The following SLC4A10 variants were observed in gnomAD, a reference collection of about 807,000 sequenced individuals.
SLC4A10 encodes sodium-driven chloride bicarbonate exchanger.
Under a neutral mutation model 137.7 loss-of-function variants are expected in SLC4A10, and 42 were observed. The ratio of observed to expected loss-of-function variants is 0.30; its 90% CI spans 0.24 to 0.39. The LOEUF is 0.39. SLC4A10 is among the 10% of genes least tolerant of loss of function. The pLI is 1.00. For synonymous variants in SLC4A10, 474 were observed against 464.1 expected, an observed-to-expected ratio of 1.02 and a Z score of -0.27; for missense variants, 925 against 1,355.0, an observed-to-expected ratio of 0.68 and a Z score of 4.98.
At chr2:161,921,199 G>T (rs1237907824) in intron 15 of SLC4A10, among the ~76,000 whole-genome samples, 1 of 152,200 alleles carries the variant, frequency 6.6e-6, no homozygotes, top group Non-Finnish European at 1.5e-5. Context: ...TGAGTTTATT[G>T]TATGTGGCAT....
At chr2:161,864,581 A>T (rs2060624876) in intron 6 of SLC4A10, among the ~76,000 whole-genome samples, 1 of 152,198 alleles carries the variant, frequency 6.6e-6, no homozygotes. Context: ...ATGACTGAAT[A>T]TAAGTCATTT....
chr2:161,821,182 T>A (rs1165379785), intron 3 of SLC4A10, among the ~76,000 whole-genome samples: 4 of 152,226 alleles, frequency 2.6e-5, no homozygotes, highest in Non-Finnish European at 5.9e-5. Context: ...TAGTTTTATG[T>A]GTTTTAAATA....
chr2:161,777,125 A>T (rs138963268), intron 2 of SLC4A10, among the ~76,000 whole-genome samples: 97 of 151,552 alleles, frequency 6.4e-4, no homozygotes, highest in African/African-American at 2.0e-3. Context: ...TTTTTAATTT[A>T]AAAAAGTTAA....
intron 1 of SLC4A10, among the ~76,000 whole-genome samples, chr2:161,698,635 C>T (rs974540221): frequency 6.6e-6 from 1 of 152,144 alleles, no homozygotes; most frequent in African/African-American, 2.4e-5. Context: ...ATTGAACCAG[C>T]CTTGCCTCCC....
At chr2:161,758,916 G>A (rs1274573020) in intron 1 of SLC4A10, among the ~76,000 whole-genome samples, 5 of 151,794 alleles carry the variant, frequency 3.3e-5, no homozygotes, top group African/African-American at 4.8e-5. Context: ...ACCAAAATAT[G>A]ACCCTTACTT....
chr2:161,874,277 A>C (rs2061331330), intron 8 of SLC4A10, among the ~76,000 whole-genome samples: 1 of 152,266 alleles, frequency 6.6e-6, no homozygotes, highest in Non-Finnish European at 1.5e-5. Context: ...CATTAACAAC[A>C]TAAAGAAGGC....
intron 16 of SLC4A10, among the ~76,000 whole-genome samples, chr2:161,945,193 T>TGC (rs1693539372): frequency 3.2e-5 from 1 of 31,648 alleles, no homozygotes; most frequent in African/African-American, 9.6e-5. Context: ...TATATATATA[T>TGC]ATATATATAT....
At chr2:161,770,070 C>T (rs2051387698) in intron 1 of SLC4A10, among the ~76,000 whole-genome samples, 1 of 151,852 alleles carries the variant, frequency 6.6e-6, no homozygotes, top group African/African-American at 2.4e-5. Flanking sequence ...CTGGAATAGA[C>T]AGGAATAGAT....
intron 1 of SLC4A10, among the ~76,000 whole-genome samples, chr2:161,723,377 A>G (rs990444569): frequency 9.2e-5 from 14 of 152,106 alleles, no homozygotes; most frequent in African/African-American, 3.4e-4. Flanking sequence ...CCAACTGCCT[A>G]GTCAGTCTCA....
At chr2:161,734,795 CT>C (rs2047167738) in intron 1 of SLC4A10, among the ~76,000 whole-genome samples, 1 of 151,762 alleles carries the variant, frequency 6.6e-6, no homozygotes, top group African/African-American at 2.4e-5. Flanking sequence ...TATTGTTTGG[CT>C]CTGTGCCTCC....
intron 1 of SLC4A10, among the ~76,000 whole-genome samples, chr2:161,652,456 TA>T (rs1313889143): frequency 6.6e-6 from 1 of 152,232 alleles, no homozygotes; most frequent in Admixed American, 6.5e-5. Context: ...TGAAGAATTT[TA>T]AAACTTCAGA....
chr2:161,908,522 C>A (rs962855729), intron 15 of SLC4A10, among the ~76,000 whole-genome samples: 1 of 149,290 alleles, frequency 6.7e-6, no homozygotes, highest in Admixed American at 6.7e-5. Context: ...ACCAACATGG[C>A]ACATGTATAC....
chr2:161,640,149 T>C (rs890413235), intron 1 of SLC4A10, among the ~76,000 whole-genome samples: 1 of 152,158 alleles, frequency 6.6e-6, no homozygotes, highest in Non-Finnish European at 1.5e-5. Context: ...CAAAGGTATT[T>C]ATTTTATTTT....
At chr2:161,672,148 G>A (rs1314624398) in intron 1 of SLC4A10, among the ~76,000 whole-genome samples, 3 of 152,152 alleles carry the variant, frequency 2.0e-5, no homozygotes, top group Non-Finnish European at 4.4e-5. Context: ...GTTCATTAAA[G>A]ACCTGGTGGC....
At chr2:161,801,259 T>C (rs1430997774) in intron 2 of SLC4A10, among the ~76,000 whole-genome samples, 1 of 152,018 alleles carries the variant, frequency 6.6e-6, no homozygotes, top group East Asian at 1.9e-4. Context: ...TGTTTCTTCT[T>C]TATTTGTATT....
intron 23 of SLC4A10, among the ~76,000 whole-genome samples, chr2:161,968,483 T>C (rs562475653): frequency 6.6e-6 from 1 of 152,188 alleles, no homozygotes; most frequent in Non-Finnish European, 1.5e-5. Context: ...GATACAAAAA[T>C]GGATTAAAGA....
chr2:161,737,362 A>T (rs181594514), intron 1 of SLC4A10, among the ~76,000 whole-genome samples: 2 of 152,172 alleles, frequency 1.3e-5, no homozygotes, highest in East Asian at 3.9e-4. Context: ...GTCTGGACTC[A>T]GCATAGATAG....
At chr2:161,668,106 A>G (rs955172999) in intron 1 of SLC4A10, among the ~76,000 whole-genome samples, 1 of 151,834 alleles carries the variant, frequency 6.6e-6, no homozygotes, top group African/African-American at 2.4e-5. Context: ...TAGTTGTCTA[A>G]TAAACAACTC....
chr2:161,924,905 A>T (rs1186994175), intron 15 of SLC4A10, among the ~76,000 whole-genome samples: 1 of 152,158 alleles, frequency 6.6e-6, no homozygotes, highest in East Asian at 1.9e-4. Context: ...TCAGGTTTCG[A>T]TGGGGTTATA....
Sources: allele counts gnomAD v4.1 joint callset (sites outside exome capture counted in the v4.1 genomes callset), GRCh38; gene constraint gnomAD v4.1.1; transcripts MANE v1.5; gene names NCBI Gene and HGNC (gene_info 2026-07-23, HGNC 2026-07-21).